The following CDH4 variants were observed in gnomAD, a reference collection of about 807,000 sequenced individuals.
CDH4 encodes cadherin 4.
CDH4 carries 33 observed loss-of-function variants against 86.0 expected under a neutral mutation model. The ratio of observed to expected loss-of-function variants is 0.38; its 90% CI spans 0.29 to 0.51. The LOEUF (loss-of-function observed/expected upper bound fraction) is 0.51. Ranked by LOEUF, CDH4 falls within the 20% of genes least tolerant of loss-of-function variation. The pLI is 0.86. For missense variants in CDH4, 1,114 were observed against 1,307.4 expected, an observed-to-expected ratio of 0.85 and a Z score of 2.28; for synonymous variants, 555 against 549.4, an observed-to-expected ratio of 1.01 and a Z score of -0.14.
intron 2 of CDH4, among the ~76,000 whole-genome samples, chr20:61,489,615 C>T (rs1345195396): frequency 3.3e-5 from 5 of 152,250 alleles, no homozygotes; most frequent in African/African-American, 1.2e-4. Flanking sequence ...GAGTTGAACC[C>T]TCAGCCAGGG....
At chr20:61,433,018 C>T (rs6061951) in intron 2 of CDH4, among the ~76,000 whole-genome samples, 94,297 of 151,226 alleles carry the variant, frequency 0.62, 30,264 homozygotes, top group African/African-American at 0.78. Flanking sequence ...TTTGTATTTT[C>T]AGTAGAGATG....
Position 61,413,176 on chromosome 20 carries a change from C to T in CDH4, c.169+158239C>T, listed in dbSNP as rs573548237. 1.4e-4 allele frequency among the ~76,000 whole-genome samples: 21 copies of T among 151,496 alleles called. No homozygotes were observed. In the East Asian group the frequency reaches 3.9e-3, roughly 28 times the overall value. On this transcript the variant is annotated intron_variant, in intron 2 of 15. Transcript: ENST00000614565. ...AGATCTGGAAGCTCCCCTCCCCATT[C>T]GCAGAGCTTCCCCGCCCCCCACCCC...
At chr20:61,740,697 A>T (rs1052744498) in intron 2 of CDH4, 2 of 152,294 alleles carry the variant, frequency 1.3e-5, no homozygotes, top group Admixed American at 1.3e-4. Context: ...CTTCTCTACC[A>T]GTGACAACTC....
chr20:61,255,631 G>T (rs1289961371), intron 2 of CDH4, among the ~76,000 whole-genome samples: 2 of 152,252 alleles, frequency 1.3e-5, no homozygotes, highest in African/African-American at 2.4e-5. Flanking sequence ...TTTCCTGGAA[G>T]TGGCAGCCTT....
chr20:61,874,045 A>C, intron 7 of CDH4, 145 bp downstream of exon 7: 2 of 850,146 alleles, frequency 2.4e-6, no homozygotes, highest in Non-Finnish European at 3.6e-6. Flanking sequence ...CATGGGAGAG[A>C]CTCAGCAAAG....
At chr20:61,767,371 G>A (rs551065669) in intron 3 of CDH4, among the ~76,000 whole-genome samples, 76 of 152,342 alleles carry the variant, frequency 5.0e-4, no homozygotes, top group African/African-American at 1.8e-3. Flanking sequence ...CTAACGTGTG[G>A]GACTAGGAAA....
At chr20:61,878,280 G>A (rs557902461) in intron 7 of CDH4, among the ~76,000 whole-genome samples, 102 of 152,316 alleles carry the variant, frequency 6.7e-4, no homozygotes, top group African/African-American at 2.3e-3. Flanking sequence ...TCCCTGAGCT[G>A]CTCCCTCCCC....
At chr20:61,605,623 G>GTCTCCCTGTCTCTCCCTCTC (rs1358490518) in intron 2 of CDH4, among the ~76,000 whole-genome samples, 1 of 150,096 alleles carries the variant, frequency 6.7e-6, no homozygotes, top group Non-Finnish European at 1.5e-5. Flanking sequence ...CTCTCTCTCT[G>GTCTCCCTGTCTCTCCCTCTC]TCTCCCTGTC....
intron 2 of CDH4, among the ~76,000 whole-genome samples, chr20:61,281,169 G>A (rs1190255689): frequency 6.6e-6 from 1 of 152,178 alleles, no homozygotes; most frequent in African/African-American, 2.4e-5. Context: ...CTTATGGCCT[G>A]GGAGGCTCCA....
chr20:61,735,690 G>A (rs1008345828), intron 2 of CDH4, among the ~76,000 whole-genome samples: 7 of 152,338 alleles, frequency 4.6e-5, no homozygotes, highest in East Asian at 1.9e-4. Flanking sequence ...GCCTCCCCAC[G>A]GCCTCCGTGG....
At chr20:61,842,221 T>A (rs1236745441) in intron 4 of CDH4, among the ~76,000 whole-genome samples, 1 of 152,220 alleles carries the variant, frequency 6.6e-6, no homozygotes. Context: ...AGGTAAGTGC[T>A]ATTCAGGCGC....
chr20:61,583,484 C>T lies in CDH4; in HGVS notation c.170-160079C>T, dbSNP rs1357581213. Reference sequence around the variant, plus strand: ...GTTCTGTGCAGACCATTCCCTGGGTCCCATGGAAGGCATCCAGGGGCAGGG... The same window carrying T: ...GTTCTGTGCAGACCATTCCCTGGGTTCCATGGAAGGCATCCAGGGGCAGGG... On this transcript the variant is annotated intron_variant, in intron 2 of 15. Coordinates refer to ENST00000614565, the MANE Select transcript of CDH4 (RefSeq NM_001794.5). 2.0e-5 allele frequency among the ~76,000 whole-genome samples: 3 copies of T among 152,082 alleles called. No individual in the cohort carries two copies. The South Asian group carries it at 6.2e-4, about 32-fold the overall frequency.
intron 4 of CDH4, among the ~76,000 whole-genome samples, chr20:61,804,693 G>A (rs192793634): frequency 1.2e-4 from 18 of 152,300 alleles, no homozygotes; most frequent in African/African-American, 2.6e-4. Context: ...GGGAGTGGCC[G>A]TAGCCTCAGA....
chr20:61,320,594 G>A (rs1355067154), intron 2 of CDH4, among the ~76,000 whole-genome samples: 2 of 152,060 alleles, frequency 1.3e-5, no homozygotes, highest in East Asian at 1.9e-4. Context: ...TTTGTGAGTG[G>A]GGGATGGGGG....
chr20:61,652,938 A>ATTTTTTTATTTTTTTTTTTTTTTTT (rs1555819717), intron 2 of CDH4, among the ~76,000 whole-genome samples: 1 of 97,402 alleles, frequency 1.0e-5, no homozygotes, highest in African/African-American at 3.4e-5. Flanking sequence ...TTATTTATTT[A>ATTTTTTTATTTTTTTTTTTTTTTTT]TTTTTTTTTT....
chr20:61,796,955 T>A (rs1979560595), intron 4 of CDH4, among the ~76,000 whole-genome samples: 1 of 152,108 alleles, frequency 6.6e-6, no homozygotes, highest in East Asian at 1.9e-4. Flanking sequence ...CATGCCGGCT[T>A]GCTTGGGAGC....
chr20:61,764,569 G>A (rs771256897), intron 3 of CDH4, among the ~76,000 whole-genome samples: 27 of 152,004 alleles, frequency 1.8e-4, no homozygotes, highest in Non-Finnish European at 3.2e-4. Context: ...CACACCTTCC[G>A]CGCAGGGCCC....
At chr20:61,806,644 G>A (rs1429165127) in intron 4 of CDH4, among the ~76,000 whole-genome samples, 4 of 152,224 alleles carry the variant, frequency 2.6e-5, no homozygotes, top group South Asian at 2.1e-4. Context: ...GACTGGAATT[G>A]CTCAGGGGCT....
At chr20:61,436,066 C>G (rs111373982) in intron 2 of CDH4, among the ~76,000 whole-genome samples, 5 of 152,274 alleles carry the variant, frequency 3.3e-5, no homozygotes, top group African/African-American at 1.2e-4. Flanking sequence ...CCTAACCTGG[C>G]TAGCCCTGCT....
Sources: allele counts gnomAD v4.1 joint callset (sites outside exome capture counted in the v4.1 genomes callset), GRCh38; gene constraint gnomAD v4.1.1; transcripts MANE v1.5; gene names NCBI Gene and HGNC (gene_info 2026-07-23, HGNC 2026-07-21).